The following TAFA5 variants were observed in gnomAD, a reference collection of about 807,000 sequenced individuals.
The protein encoded by TAFA5 is chemokine-like protein TAFA-5.
Under a neutral mutation model 15.3 loss-of-function variants are expected in TAFA5, and 6 were observed. The observed-to-expected ratio is 0.39, with a 90% CI of 0.21 to 0.77. TAFA5 has a LOEUF of 0.77. TAFA5 is among the 30% of genes least tolerant of loss of function. The pLI is 0.41. For missense variants in TAFA5, 161 were observed against 193.1 expected, an observed-to-expected ratio of 0.83 and a Z score of 0.98; for synonymous variants, 103 against 80.7, an observed-to-expected ratio of 1.28 and a Z score of -1.48.
chr22:48,583,927 A>C (rs1390596946), intron 1 of TAFA5, among the ~76,000 whole-genome samples: 1 of 129,422 alleles, frequency 7.7e-6, no homozygotes, highest in African/African-American at 2.9e-5. Context: ...CACCACACAC[A>C]CACCACACAC....
intron 1 of TAFA5, among the ~76,000 whole-genome samples, chr22:48,639,939 C>T (rs1017273140): frequency 4.0e-5 from 6 of 149,730 alleles, no homozygotes; most frequent in African/African-American, 1.5e-4. Flanking sequence ...CGTGACCGCA[C>T]CCCCCCAACC....
intron 1 of TAFA5, among the ~76,000 whole-genome samples, chr22:48,509,966 GAAAAAGAAAAAGA>G (rs1569163024): frequency 7.1e-5 from 6 of 83,936 alleles, no homozygotes; most frequent in Non-Finnish European, 2.0e-4. Flanking sequence ...AAAAAAAAAA[GAAAAAGAAAAAGA>G]AAAAAGAAAA....
At chr22:48,680,028 C>T (rs1928128116) in intron 2 of TAFA5, among the ~76,000 whole-genome samples, 1 of 152,220 alleles carries the variant, frequency 6.6e-6, no homozygotes, top group Non-Finnish European at 1.5e-5. Flanking sequence ...ACAGAGGCCT[C>T]GTGAGGCTGC....
chr22:48,626,597 G>T (rs190201134), intron 1 of TAFA5, among the ~76,000 whole-genome samples: 3 of 152,090 alleles, frequency 2.0e-5, no homozygotes, highest in Non-Finnish European at 4.4e-5. Context: ...ATTCTTCATC[G>T]CATTTGTGTT....
At chr22:48,564,091 G>A (rs767360363) in intron 1 of TAFA5, among the ~76,000 whole-genome samples, 39 of 152,238 alleles carry the variant, frequency 2.6e-4, no homozygotes, top group Non-Finnish European at 2.5e-4. Flanking sequence ...GACGTGGAGC[G>A]GGCGGGGAGT....
chr22:48,736,800 G>A (rs370681445), intron 3 of TAFA5, among the ~76,000 whole-genome samples: 1 of 152,186 alleles, frequency 6.6e-6, no homozygotes, highest in Admixed American at 6.5e-5. Flanking sequence ...CACAGAGGCC[G>A]AATGAAGGCC....
chr22:48,593,874 T>G (rs927469835), intron 1 of TAFA5, among the ~76,000 whole-genome samples: 1 of 152,266 alleles, frequency 6.6e-6, no homozygotes, highest in African/African-American at 2.4e-5. Flanking sequence ...TCCGAGGTGG[T>G]GAAGGGGACC....
chr22:48,542,861 GTA>G (rs1922510311), intron 1 of TAFA5, among the ~76,000 whole-genome samples: 1 of 149,412 alleles, frequency 6.7e-6, no homozygotes, highest in Admixed American at 6.7e-5. Flanking sequence ...TTTGTGTAGA[GTA>G]TGTATGGTGT....
At position 48,682,068 on chromosome 22, in the gene TAFA5, C is replaced by T. The variant is rs12484079; in HGVS notation, c.263-25649C>T. Among the ~76,000 whole-genome samples, 31 of 150,974 alleles carry T rather than the reference C, an allele frequency of 2.1e-4. 9 individuals carry two copies. Among genetic ancestry groups the T allele is most frequent in the African/African-American group, 7.5e-4 (31 of 41,188 alleles). ...TCCTCAGCTTCCCATCGATCCCATT[C>T]GTGGAGCACAGTGGGTGTTTGATGA... On this transcript the variant is annotated intron_variant, in intron 2 of 3. Coordinates refer to ENST00000402357, the MANE Select transcript of TAFA5 (RefSeq NM_001082967.3).
intron 1 of TAFA5, among the ~76,000 whole-genome samples, chr22:48,512,889 G>A (rs133509): frequency 1.0e-4 from 15 of 144,482 alleles, no homozygotes; most frequent in Middle Eastern, 3.5e-3. Context: ...TGCCACTGCA[G>A]TCCAGCCTGG....
At chr22:48,749,797 C>T (rs1390409893) in intron 3 of TAFA5, 42 bp from the exon 4 acceptor site, 3 of 1,557,534 alleles carry the variant, frequency 1.9e-6, no homozygotes, top group African/African-American at 1.4e-5. Flanking sequence ...CCCTGGGCAG[C>T]GTCTGCAGGA....
intron 2 of TAFA5, among the ~76,000 whole-genome samples, chr22:48,690,461 C>T (rs1601674866): frequency 3.3e-5 from 5 of 152,298 alleles, no homozygotes; most frequent in Admixed American, 3.3e-4. Flanking sequence ...CTGGCCTCTC[C>T]AGCCCCTCCA....
chr22:48,629,375 T>C (rs958044847), intron 1 of TAFA5, among the ~76,000 whole-genome samples: 1 of 152,198 alleles, frequency 6.6e-6, no homozygotes, highest in Non-Finnish European at 1.5e-5. Context: ...GCTTTGGGAA[T>C]GAGGCACTGT....
intron 2 of TAFA5, among the ~76,000 whole-genome samples, chr22:48,674,680 C>T (rs916052594): frequency 2.6e-5 from 4 of 152,058 alleles, no homozygotes; most frequent in Non-Finnish European, 5.9e-5. Context: ...GGTCCACACC[C>T]CCCACAGAAG....
At chr22:48,527,862 G>A (rs921133870) in intron 1 of TAFA5, among the ~76,000 whole-genome samples, 2 of 152,200 alleles carry the variant, frequency 1.3e-5, no homozygotes, top group Non-Finnish European at 2.9e-5. Flanking sequence ...ATGGAGCCCG[G>A]CGCGAGGCTT....
intron 1 of TAFA5, among the ~76,000 whole-genome samples, chr22:48,509,238 C>T (rs902531266): frequency 7.2e-5 from 11 of 152,176 alleles, no homozygotes; most frequent in African/African-American, 2.4e-4. Flanking sequence ...GATTCTGCGT[C>T]GTGGCTCTTG....
intron 1 of TAFA5, among the ~76,000 whole-genome samples, chr22:48,606,709 GCGAT>G (rs1247280560): frequency 6.6e-6 from 1 of 152,216 alleles, no homozygotes; most frequent in Non-Finnish European, 1.5e-5. Flanking sequence ...GCCTGGATTA[GCGAT>G]CGCTGCTTAG....
chr22:48,618,506 T>G (rs188140862), intron 1 of TAFA5, among the ~76,000 whole-genome samples: 176 of 152,336 alleles, frequency 1.2e-3, no homozygotes, highest in African/African-American at 4.1e-3. Context: ...GGTAACGGAT[T>G]GGCGTTGTTT....
chr22:48,650,976 A>G (rs1203855250), intron 2 of TAFA5, among the ~76,000 whole-genome samples: 2 of 152,220 alleles, frequency 1.3e-5, no homozygotes, highest in Admixed American at 6.5e-5. Flanking sequence ...GGCACTGAGG[A>G]CTGAGACCCT....
Sources: gnomAD v4.1 joint callset for allele counts (sites outside exome capture counted in the v4.1 genomes callset) on GRCh38, gnomAD v4.1.1 for gene constraint, MANE v1.5 for transcripts, NCBI Gene and HGNC (gene_info 2026-07-23, HGNC 2026-07-21) for gene names.